Variants in TRIM42 observed in about 807,000 individuals in gnomAD.
The protein encoded by TRIM42 is tripartite motif-containing protein 42.
Under a neutral mutation model 64.9 loss-of-function variants are expected in TRIM42, and 59 were observed. That is an observed-to-expected ratio of 0.91 (90% CI 0.74 to 1.13). The LOEUF (loss-of-function observed/expected upper bound fraction) is 1.13. Ranked by LOEUF, TRIM42 falls within the 50% of genes most tolerant of loss-of-function variation. The pLI, the probability that TRIM42 is intolerant of heterozygous loss-of-function variation, is 0.00. For synonymous variants in TRIM42, 354 were observed against 346.3 expected (o/e 1.02, Z -0.25); for missense variants, 878 against 929.5 (o/e 0.94, Z 0.72).
intron 1 of TRIM42, among the ~76,000 whole-genome samples, chr3:140,680,470 A>C (rs1988348683): frequency 6.7e-6 from 1 of 150,216 alleles, no homozygotes; most frequent in South Asian, 2.1e-4. Flanking sequence ...ATCCTCCAAC[A>C]CCTCCCTCCC....
intron 3 of TRIM42, 24 bp from the exon 4 acceptor site, chr3:140,690,944 C>T: frequency 6.4e-7 from 1 of 1,559,458 alleles, no homozygotes. Context: ...TAGTACCACA[C>T]CAGTATGTTC....
chr3:140,680,435 C>T (rs1279644225), intron 1 of TRIM42, among the ~76,000 whole-genome samples: 1 of 152,118 alleles, frequency 6.6e-6, no homozygotes, highest in East Asian at 1.9e-4. Context: ...TAATACCTGT[C>T]TCTTAGCCCT....
At chr3:140,684,836 G>A (rs1318751046) in intron 2 of TRIM42, among the ~76,000 whole-genome samples, 2 of 152,150 alleles carry the variant, frequency 1.3e-5, no homozygotes, top group Non-Finnish European at 2.9e-5. Context: ...TCCTCAGCAT[G>A]GTGAAGGCAC....
At chr3:140,684,535 T>C (rs1486129455) in intron 2 of TRIM42, among the ~76,000 whole-genome samples, 1 of 152,202 alleles carries the variant, frequency 6.6e-6, no homozygotes, top group Non-Finnish European at 1.5e-5. Context: ...AAAGGTCCCA[T>C]TGGATGTAAA....
chr3:140,688,666 C>T, intron 3 of TRIM42, 124 bp downstream of exon 3: 1 of 715,948 alleles, frequency 1.4e-6, no homozygotes, highest in South Asian at 2.2e-5. Flanking sequence ...ATATCTGCTC[C>T]TCTAGACTCT....
chr3:140,697,757 C>T (rs1462195848), intron 4 of TRIM42, among the ~76,000 whole-genome samples: 2 of 152,230 alleles, frequency 1.3e-5, no homozygotes, highest in Non-Finnish European at 2.9e-5. Flanking sequence ...GATCTCGGCT[C>T]ACTGCAAGCT....
rs767876596 is a variant in TRIM42 at position 140,682,991 on chromosome 3, A to T, written c.871A>T (p.Ile291Phe). The change falls in exon 2 of 5, where the codon ATC becomes TTC. Residue 291 changes from isoleucine to phenylalanine, a missense_variant. Physicochemically the swap from Ile to Phe is conservative, Grantham distance 21 (BLOSUM62 0). Transcript: ENST00000286349. ...CGAGGAACAGGACGAGAAGATCTGCATCCACCACCCATCCAGCCGCATCAT... is the reference window on the plus strand; with the variant it reads ...CGAGGAACAGGACGAGAAGATCTGCTTCCACCACCCATCCAGCCGCATCAT... ...SAEEQDEKICIHHPSSRIIEY... is the reference protein window; with the variant it reads ...SAEEQDEKICFHHPSSRIIEY... The T allele has an allele frequency of 1.2e-6, 2 of 1,614,224 alleles. No individual in the cohort carries two copies. Among genetic ancestry groups the T allele is most frequent in the South Asian group, 2.2e-5 (2 of 91,090 alleles).
At chr3:140,683,591 T>C (rs1440825157) in intron 2 of TRIM42, among the ~76,000 whole-genome samples, 2 of 152,248 alleles carry the variant, frequency 1.3e-5, no homozygotes, top group Admixed American at 6.5e-5. Flanking sequence ...CGTTCTAAGA[T>C]GTTCTGTCAC....
intron 4 of TRIM42, among the ~76,000 whole-genome samples, chr3:140,693,476 G>C (rs567082631): frequency 3.9e-5 from 6 of 152,278 alleles, no homozygotes; most frequent in African/African-American, 1.4e-4. Flanking sequence ...CATTCCAGAG[G>C]AAACACTGGT....
intron 4 of TRIM42, among the ~76,000 whole-genome samples, chr3:140,692,653 G>A (rs76703957): frequency 0.015 from 2,313 of 152,110 alleles, 19 homozygotes; most frequent in Non-Finnish European, 0.025. Flanking sequence ...CCTCCTGCCA[G>A]CCTCCAGCCA....
chr3:140,695,682 T>C (rs559083480), intron 4 of TRIM42, among the ~76,000 whole-genome samples: 1 of 152,198 alleles, frequency 6.6e-6, no homozygotes, highest in East Asian at 1.9e-4. Context: ...CTGGCCATCA[T>C]GAAATTCCCT....
chr3:140,700,808 A>G, intron 4 of TRIM42, 80 bp from the exon 5 acceptor site: 1 of 1,232,508 alleles, frequency 8.1e-7, no homozygotes, highest in Non-Finnish European at 1.2e-6. Flanking sequence ...TGATGTGTGT[A>G]GTGTCTGACA....
rs1392703824 is a variant in TRIM42, at chr3:140,688,170, G to C, written c.1488G>C (p.Lys496Asn). ...AGCTCTTCCCCACAGGGCCCAAGAA[G>C]GTACGCTCCTCAGGGGACTCCCTGC... ...IHELFPTGPK[K>N]VRSSGDSLPS... The change falls in exon 3 of 5, where the codon AAG (lysine) becomes AAC (asparagine). Residue 496 changes from lysine to asparagine, a missense_variant. Physicochemically the swap from Lys to Asn is moderately conservative, Grantham distance 94. Transcript: ENST00000286349. 1 of 1,614,146 alleles carries C rather than the reference G, an allele frequency of 6.2e-7. No individual in the cohort carries two copies. Among genetic ancestry groups the C allele is most frequent in the East Asian group, 2.2e-5 (1 of 44,882 alleles).
rs750028405 is a variant in TRIM42, at chr3:140,682,921, C to G, written c.801C>G (p.His267Gln). The change falls in exon 2 of 5, where the codon CAC (histidine) becomes CAG (glutamine). Residue 267 changes from histidine (H) to glutamine (Q), a missense_variant. Transcript: ENST00000286349. ...NLCNDCLKAF[H>Q]SDVAMQDHVF... ...GCAACGACTGCCTCAAGGCCTTCCA[C>G]TCGGATGTGGCCATGCAAGACCACG... is the stretch of plus-strand genomic sequence containing the variant. The G allele has an allele frequency of 6.2e-7, 1 of 1,614,260 alleles. No individual in the cohort carries two copies. The highest frequency in any genetic ancestry group is 2.2e-5 in the East Asian group (1 of 44,882).
chr3:140,686,696 A>G (rs1156318071), intron 2 of TRIM42, among the ~76,000 whole-genome samples: 2 of 152,194 alleles, frequency 1.3e-5, no homozygotes, highest in Non-Finnish European at 2.9e-5. Flanking sequence ...AAAATTTGGT[A>G]AGGATTATTG....
chr3:140,696,160 T>G (rs1559940019), intron 4 of TRIM42, among the ~76,000 whole-genome samples: 2 of 152,340 alleles, frequency 1.3e-5, no homozygotes, highest in East Asian at 3.9e-4. Flanking sequence ...TATTTATATA[T>G]TCCCTTTTGT....
At chr3:140,686,504 A>G (rs994758297) in intron 2 of TRIM42, among the ~76,000 whole-genome samples, 14 of 152,256 alleles carry the variant, frequency 9.2e-5, no homozygotes, top group African/African-American at 3.4e-4. Flanking sequence ...ACCTCTACAC[A>G]CCATAGTCAT....
rs1201181870 is a variant in TRIM42 at position 140,678,415 on chromosome 3, C to G, written c.186C>G (p.Asn62Lys). 2 of 1,614,108 alleles carry G rather than the reference C, an allele frequency of 1.2e-6. No individual in the cohort carries two copies. Among genetic ancestry groups the G allele is most frequent in the South Asian group, 1.1e-5 (1 of 91,078 alleles). Residue 62 changes from asparagine (N) to lysine (K), a missense_variant, in exon 1 of 5, where the codon AAC becomes AAG. Asn to Lys is a moderately conservative substitution (Grantham distance 94). Transcript: ENST00000286349. ...ACTGCACCTGTTCTGAGAGCCCCAA[C>G]TGCCATTGGTGTTGCTGCTCTTGGG... ...FCHCTCSESP[N>K]CHWCCCSWAN...
At chr3:140,681,302 T>A (rs1003063446) in intron 1 of TRIM42, among the ~76,000 whole-genome samples, 1 of 152,216 alleles carries the variant, frequency 6.6e-6, no homozygotes, top group African/African-American at 2.4e-5. Context: ...CAAAGGGGTG[T>A]AATTATAGTG....
Sources: gnomAD v4.1 joint callset for allele counts (sites outside exome capture counted in the v4.1 genomes callset) on GRCh38, gnomAD v4.1.1 for gene constraint, MANE v1.5 for transcripts, NCBI Gene and HGNC (gene_info 2026-07-23, HGNC 2026-07-21) for gene names.